The following POLE2 variants were observed in gnomAD, a reference collection of about 807,000 sequenced individuals.
POLE2 encodes the protein DNA polymerase epsilon subunit 2.
Under a neutral mutation model 79.4 loss-of-function variants are expected in POLE2, and 56 were observed. The observed-to-expected ratio is 0.71, with a 90% CI of 0.57 to 0.88. The LOEUF is 0.88. POLE2 is among the 40% of genes least tolerant of loss of function. The pLI is 0.00. For missense variants in POLE2, 598 were observed against 638.9 expected (o/e 0.94, Z 0.69); for synonymous variants, 212 against 214.0 (o/e 0.99, Z 0.08).
In POLE2 at chr14:49,688,169, G is replaced by A. The variant is rs199837996; in HGVS notation, c.35C>T (p.Ser12Phe). ...CAGCAAGCCCCGCAACTTGAAGGCG[G>A]AGAGCGCCCGGCTCCGCAGCCGCTC... is the stretch of plus-strand genomic sequence containing the variant. Reference protein sequence around the residue: ...APERLRSRALSAFKLRGLLLR... With the variant: ...APERLRSRALFAFKLRGLLLR... Residue 12 changes from serine to phenylalanine, a missense_variant, in exon 1 of 19, where the codon TCC becomes TTC. Coordinates refer to ENST00000216367, the MANE Select transcript of POLE2 (RefSeq NM_002692.4). The A allele has an allele frequency of 6.4e-4, 986 of 1,550,238 alleles. 5 individuals carry two copies. The African/African-American group carries it at 0.012, about 19-fold the overall frequency.
chr14:49,683,349 C>A (rs186656254), intron 2 of POLE2, among the ~76,000 whole-genome samples: 1 of 151,630 alleles, frequency 6.6e-6, no homozygotes, highest in South Asian at 2.1e-4. Flanking sequence ...TTGCAGTGAG[C>A]CAAGATAGCG....
At chr14:49,651,573 G>A (rs989209568) in intron 15 of POLE2, 196 bp from the exon 16 acceptor site, 20 of 383,372 alleles carry the variant, frequency 5.2e-5, no homozygotes, top group Non-Finnish European at 8.3e-5. Flanking sequence ...CCCATTCTAG[G>A]GATTAGCGAA....
chr14:49,661,327 T>C (rs536529940), intron 10 of POLE2, among the ~76,000 whole-genome samples: 87 of 152,308 alleles, frequency 5.7e-4, no homozygotes, highest in Non-Finnish European at 9.0e-4. Flanking sequence ...CCCTTAGATA[T>C]GGTAACTGAT....
intron 13 of POLE2, chr14:49,654,445 A>T (rs1884501377): frequency 4.1e-6 from 2 of 484,220 alleles, no homozygotes; most frequent in African/African-American, 4.0e-5. Context: ...TGGCTAGCAT[A>T]GCTGATGGAC....
Position 49,655,108 on chromosome 14 carries a change from G to A in POLE2, c.929-14C>T. On this transcript the variant is annotated splice_polypyrimidine_tract_variant and intron_variant, in intron 11 of 18. Coordinates refer to ENST00000216367, the MANE Select transcript of POLE2 (RefSeq NM_002692.4). ...CTGGTGAATAACCTAAACAATAAAA[G>A]AGTAAATGAACAATACTTTTCTAGT... 7.3e-7 allele frequency: 1 copy of A among 1,362,048 alleles called. No individual in the cohort carries two copies. Among genetic ancestry groups the A allele is most frequent in the Non-Finnish European group, 1.0e-6 (1 of 999,298 alleles). The allele number at this position is 1,362,048 out of a possible 1,614,324, so 84.4% of individuals were successfully genotyped here. A position where few individuals can be genotyped will look rare whatever the true frequency, so the allele number is the denominator to read the frequency against.
intron 5 of POLE2, among the ~76,000 whole-genome samples, chr14:49,670,707 C>T (rs995195136): frequency 5.3e-5 from 8 of 152,132 alleles, no homozygotes; most frequent in African/African-American, 1.7e-4. Context: ...GCTAAGGCTA[C>T]TAGTGGAGAT....
At chr14:49,665,861 T>G (rs1360177926) in intron 7 of POLE2, among the ~76,000 whole-genome samples, 1 of 152,160 alleles carries the variant, frequency 6.6e-6, no homozygotes, top group Non-Finnish European at 1.5e-5. Flanking sequence ...AGTTTCGCTC[T>G]TGTTGCCCAG....
At chr14:49,671,265 G>A (rs902337811) in intron 5 of POLE2, among the ~76,000 whole-genome samples, 1 of 152,176 alleles carries the variant, frequency 6.6e-6, no homozygotes, top group Non-Finnish European at 1.5e-5. Flanking sequence ...TCCACAGTCT[G>A]ATCACAGGGA....
intron 1 of POLE2, 88 bp downstream of exon 1, chr14:49,688,048 G>T: frequency 2.7e-6 from 3 of 1,126,170 alleles, no homozygotes; most frequent in Non-Finnish European, 3.9e-6. Flanking sequence ...GGCGCGCGGG[G>T]AGCCGCCGCG....
chr14:49,655,572 TTAAATAGAATACTCAAAAAGA>T (rs1174708387), intron 11 of POLE2, 78 bp downstream of exon 11: 8 of 828,372 alleles, frequency 9.7e-6, no homozygotes, highest in East Asian at 5.2e-5. Flanking sequence ...CTGTTTTTTT[TTAAATAGAATACTCAAAAAGA>T]TAAATAGAAT....
intron 1 of POLE2, among the ~76,000 whole-genome samples, chr14:49,685,419 T>C (rs1189517321): frequency 2.0e-5 from 3 of 152,292 alleles, no homozygotes; most frequent in African/African-American, 7.2e-5. Context: ...CCTAAAATCA[T>C]ATACATTTTG....
intron 9 of POLE2, among the ~76,000 whole-genome samples, chr14:49,664,349 C>CA (rs1235574204): frequency 8.4e-4 from 56 of 66,782 alleles, no homozygotes; most frequent in Middle Eastern, 0.012. Flanking sequence ...ACTCTGTCTC[C>CA]AAAAAAAAAA....
intron 3 of POLE2, among the ~76,000 whole-genome samples, chr14:49,679,159 C>T (rs1886517692): frequency 6.6e-6 from 1 of 151,848 alleles, no homozygotes; most frequent in Non-Finnish European, 1.5e-5. Flanking sequence ...AGCCCATTTT[C>T]CCCAGTGTTT....
chr14:49,682,863 G>A (rs1323485611), intron 2 of POLE2, among the ~76,000 whole-genome samples: 1 of 151,480 alleles, frequency 6.6e-6, no homozygotes, highest in Non-Finnish European at 1.5e-5. Flanking sequence ...AAGAAGAGAT[G>A]TCAGCTCTGT....
chr14:49,660,793 A>C (rs988691500), intron 10 of POLE2, among the ~76,000 whole-genome samples: 2 of 152,232 alleles, frequency 1.3e-5, no homozygotes, highest in Non-Finnish European at 2.9e-5. Flanking sequence ...TGGGAGGCTA[A>C]GGCAGGAGAA....
chr14:49,678,501 G>T (rs1373014194), intron 3 of POLE2, among the ~76,000 whole-genome samples: 1 of 152,186 alleles, frequency 6.6e-6, no homozygotes, highest in Non-Finnish European at 1.5e-5. Context: ...AGTGAATGCA[G>T]ATTGGTGTGG....
intron 17 of POLE2, among the ~76,000 whole-genome samples, chr14:49,647,838 A>C (rs1883897175): frequency 6.6e-6 from 1 of 152,234 alleles, no homozygotes; most frequent in African/African-American, 2.4e-5. Context: ...GTGACTATAA[A>C]GTAACACAAC....
chr14:49,675,362 G>C (rs1437694189), intron 3 of POLE2, among the ~76,000 whole-genome samples: 1 of 152,118 alleles, frequency 6.6e-6, no homozygotes, highest in African/African-American at 2.4e-5. Flanking sequence ...GGGATTACAG[G>C]CATGAGCCAC....
rs1884528098 is a variant in POLE2, at chr14:49,654,794, T to C, written c.1063A>G (p.Ile355Val). The C allele has an allele frequency of 1.3e-6, 2 of 1,487,554 alleles. No homozygotes were observed. The highest frequency in any genetic ancestry group is 1.8e-6 in the Non-Finnish European group (2 of 1,123,456). 92.1% of individuals were successfully genotyped at this position (1,487,554 alleles called of 1,614,324 possible). Residue 355 changes from isoleucine (I) to valine (V), a missense_variant, in exon 13 of 19, where the codon ATT becomes GTT. Physicochemically the swap from Ile to Val is conservative, Grantham distance 29. Transcript: ENST00000216367. ...LADIICEYPDIHQSSRFVFVP... is the reference protein window; with the variant it reads ...LADIICEYPDVHQSSRFVFVP... ...GCTAGAGATCATTACCTTTGGTGAATATCTGGGTATTCACATATTATATCT... is the reference window on the plus strand; with the variant it reads ...GCTAGAGATCATTACCTTTGGTGAACATCTGGGTATTCACATATTATATCT...
Sources: gnomAD v4.1 joint callset for allele counts (sites outside exome capture counted in the v4.1 genomes callset) on GRCh38, gnomAD v4.1.1 for gene constraint, MANE v1.5 for transcripts, NCBI Gene and HGNC (gene_info 2026-07-23, HGNC 2026-07-21) for gene names.